HMCN1: variants seen among roughly 807,000 people sequenced by gnomAD.
The protein encoded by HMCN1 is hemicentin 1.
HMCN1 carries 321 observed loss-of-function variants against 625.9 expected under a neutral mutation model. The ratio of observed to expected loss-of-function variants is 0.51; its 90% CI spans 0.47 to 0.56. HMCN1 has a LOEUF of 0.56. Among genes scored for constraint, HMCN1 ranks in the 20% least tolerant of loss-of-function variants. The pLI, the probability that HMCN1 is intolerant of heterozygous loss-of-function variation, is 0.00. For synonymous variants in HMCN1, 2,425 were observed against 2,417.6 expected (o/e 1.00, Z -0.09); for missense variants, 6,588 against 6,887.3 (o/e 0.96, Z 1.54).
intron 71 of HMCN1, among the ~76,000 whole-genome samples, chr1:186,109,484 A>G (rs532678945): frequency 6.6e-6 from 1 of 152,354 alleles, no homozygotes; most frequent in East Asian, 1.9e-4. Flanking sequence ...GCTTTACCTC[A>G]AAGAGCTCAC....
chr1:185,931,550 G>T (rs1032199015), intron 10 of HMCN1, among the ~76,000 whole-genome samples: 3 of 151,156 alleles, frequency 2.0e-5, no homozygotes, highest in Non-Finnish European at 4.4e-5. Flanking sequence ...GTACTTATTT[G>T]AATTTATATC....
At chr1:186,062,257 A>G (rs1198804836) in intron 47 of HMCN1, among the ~76,000 whole-genome samples, 1 of 152,192 alleles carries the variant, frequency 6.6e-6, no homozygotes, top group Non-Finnish European at 1.5e-5. Context: ...AGTCAAATAA[A>G]TGTTCTTGGT....
chr1:186,088,517 C>T lies in HMCN1; in HGVS notation c.9578-89C>T, dbSNP rs1020935999. 39 of 1,474,672 alleles carry T rather than the reference C, an allele frequency of 2.6e-5. No individual in the cohort carries two copies. In the Middle Eastern group the frequency reaches 1.4e-3, roughly 53 times the overall value. The allele number at this position is 1,474,672 out of a possible 1,614,324, so 91.3% of individuals were successfully genotyped here. A position where few individuals can be genotyped will look rare whatever the true frequency, so the allele number is the denominator to read the frequency against. ...GAACTTTTAAGAAATGCATTTATCA[C>T]GTAAAGTAAGACATTTTATCATGAA... On this transcript the variant is annotated intron_variant, in intron 62 of 106. Coordinates refer to ENST00000271588, the MANE Select transcript of HMCN1 (RefSeq NM_031935.3).
chr1:185,951,407 G>A (rs1243492661), intron 11 of HMCN1, among the ~76,000 whole-genome samples: 1 of 151,578 alleles, frequency 6.6e-6, no homozygotes, highest in Non-Finnish European at 1.5e-5. Flanking sequence ...TGGAGGCAAG[G>A]GAAACGGGCC....
chr1:186,015,807 T>C lies in HMCN1; in HGVS notation c.4910-151T>C, dbSNP rs922018903. 7.1e-6 allele frequency: 5 copies of C among 705,064 alleles called. No homozygotes were observed. In the Admixed American group the frequency reaches 1.0e-4, roughly 14 times the overall value. 43.7% of individuals were successfully genotyped at this position (705,064 alleles called of 1,614,324 possible). ...ACAGTTTAGCTGAACCAAGAAATTC[T>C]TTCCTCAATAGCTTAGAGGGAGACA... On this transcript the variant is annotated intron_variant, in intron 31 of 106. Transcript: ENST00000271588.
At chr1:185,985,389 G>A (rs2102012773) in intron 19 of HMCN1, among the ~76,000 whole-genome samples, 1 of 152,062 alleles carries the variant, frequency 6.6e-6, no homozygotes, top group East Asian at 1.9e-4. Flanking sequence ...AATCTAGTGT[G>A]GGAGTGCCCT....
At chr1:186,163,562 A>C (rs1030939496) in intron 97 of HMCN1, among the ~76,000 whole-genome samples, 1 of 152,030 alleles carries the variant, frequency 6.6e-6, no homozygotes, top group African/African-American at 2.4e-5. Flanking sequence ...TCCTCCCCCC[A>C]ATTAAGCAAC....
intron 11 of HMCN1, among the ~76,000 whole-genome samples, chr1:185,940,176 C>G (rs1025624582): frequency 5.3e-5 from 8 of 151,896 alleles, no homozygotes; most frequent in African/African-American, 1.9e-4. Context: ...CAGCTTATGC[C>G]ACAAAATTAT....
chr1:185,837,005 GGTGTGTGTGT>G (rs60299246), intron 1 of HMCN1, among the ~76,000 whole-genome samples: 3 of 142,928 alleles, frequency 2.1e-5, no homozygotes, highest in African/African-American at 7.8e-5. Flanking sequence ...TATATTCCAT[GGTGTGTGTGT>G]GTGTGTGTGT....
chr1:186,003,791 A>G lies in HMCN1; in HGVS notation c.4422A>G (p.Glu1474=). Residue 1474 remains glutamate (E), a synonymous_variant, in exon 29 of 107, where the codon GAA becomes GAG. Transcript: ENST00000271588. ...TCCTCAACCGTGACGTCGCCCTTGA[A>G]TGCCAGGTCAAAGGCACTCCCTTTC... The part of the protein sequence containing the change: ...SVVLNRDVAL[E]CQVKGTPFPD... 6.2e-7 allele frequency: 1 copy of G among 1,613,102 alleles called. No individual in the cohort carries two copies. The highest frequency in any genetic ancestry group is 8.5e-7 in the Non-Finnish European group (1 of 1,179,218).
chr1:185,779,030 C>T (rs377142004), intron 1 of HMCN1, among the ~76,000 whole-genome samples: 4 of 152,116 alleles, frequency 2.6e-5, no homozygotes, highest in East Asian at 1.9e-4. Flanking sequence ...TTTTTAATGA[C>T]TGCCATTCCA....
intron 40 of HMCN1, among the ~76,000 whole-genome samples, chr1:186,042,258 T>C (rs1271823994): frequency 2.6e-5 from 4 of 152,188 alleles, no homozygotes; most frequent in African/African-American, 9.6e-5. Context: ...CCAGGAATTT[T>C]AACTTCCTCC....
Position 185,998,775 on chromosome 1 carries a change from G to C in HMCN1, c.3874+1251G>C, listed in dbSNP as rs191663978. ...TTACTATGATTTTCATCTTGCTCATGGTTGTTCTATCATTTAAAAATTAAA... is the reference window on the plus strand; with the variant it reads ...TTACTATGATTTTCATCTTGCTCATCGTTGTTCTATCATTTAAAAATTAAA... On this transcript the variant is annotated intron_variant, in intron 25 of 106. Coordinates refer to ENST00000271588, the MANE Select transcript of HMCN1 (RefSeq NM_031935.3). Among the ~76,000 whole-genome samples the C allele has an allele frequency of 1.3e-3, 196 of 152,048 alleles. 2 individuals are homozygous for C. The highest frequency in any genetic ancestry group is 4.6e-3 in the African/African-American group (189 of 41,482).
At chr1:185,896,634 G>A (rs16824676) in intron 4 of HMCN1, among the ~76,000 whole-genome samples, 5,781 of 152,220 alleles carry the variant, frequency 0.038, 395 homozygotes, top group African/African-American at 0.13. Context: ...GAAACAGAAA[G>A]ATCCTTGGAA....
chr1:185,860,228 T>C (rs1436646682), intron 2 of HMCN1, among the ~76,000 whole-genome samples: 1 of 152,196 alleles, frequency 6.6e-6, no homozygotes, highest in Non-Finnish European at 1.5e-5. Context: ...TTAAATATAC[T>C]GTATTATTTT....
chr1:185,831,973 G>T (rs1660887498), intron 1 of HMCN1, among the ~76,000 whole-genome samples: 1 of 152,138 alleles, frequency 6.6e-6, no homozygotes, highest in South Asian at 2.1e-4. Context: ...GTACAGGCAG[G>T]ATATTTTTGG....
At chr1:186,175,876 C>CAAAAAAAAAAAAAAAAAAAAAAAAAA (rs758445916) in intron 103 of HMCN1, among the ~76,000 whole-genome samples, 2 of 76,174 alleles carry the variant, frequency 2.6e-5, no homozygotes, top group African/African-American at 9.8e-5. Flanking sequence ...AACTATGTCT[C>CAAAAAAAAAAAAAAAAAAAAAAAAAA]AAAAAAAAAA....
At chr1:186,077,079 G>T (rs1658868285) in intron 54 of HMCN1, among the ~76,000 whole-genome samples, 4 of 152,192 alleles carry the variant, frequency 2.6e-5, no homozygotes, top group Non-Finnish European at 5.9e-5. Flanking sequence ...TGTTTAAACT[G>T]TTATGGAATA....
chr1:185,970,849 G>C (rs1245925490), intron 15 of HMCN1, among the ~76,000 whole-genome samples: 1 of 151,714 alleles, frequency 6.6e-6, no homozygotes, highest in Non-Finnish European at 1.5e-5. Context: ...TAGTAGAGGC[G>C]GGGTTTCACC....
Sources: gnomAD v4.1 joint callset for allele counts (sites outside exome capture counted in the v4.1 genomes callset) on GRCh38, gnomAD v4.1.1 for gene constraint, MANE v1.5 for transcripts, NCBI Gene and HGNC (gene_info 2026-07-23, HGNC 2026-07-21) for gene names.